INCENP: variants seen among roughly 807,000 people sequenced by gnomAD.
The protein encoded by INCENP is inner centromere protein, also known as binds and activates aurora-B and -C in vivo and in vitro.
INCENP carries 43 observed loss-of-function variants against 107.3 expected under a neutral mutation model. The ratio of observed to expected loss-of-function variants is 0.40; its 90% CI spans 0.31 to 0.52. The LOEUF is 0.52. Among genes scored for constraint, INCENP ranks in the 20% least tolerant of loss-of-function variants. The probability of loss-of-function intolerance (pLI) is 0.53; values close to 1 mark genes in which losing one functional copy is unlikely to be tolerated. For missense variants in INCENP, 1,089 were observed against 1,250.9 expected (o/e 0.87, Z 1.95); for synonymous variants, 488 against 494.4 (o/e 0.99, Z 0.17).
At chr11:62,144,752 G>A (rs780292368) in intron 11 of INCENP, 4 of 755,658 alleles carry the variant, frequency 5.3e-6, no homozygotes, top group Non-Finnish European at 9.7e-6. Context: ...GGAGGGCACT[G>A]TGGCTCAGGC....
chr11:62,126,199 G>GTTTTT (rs1565088237), intron 1 of INCENP, among the ~76,000 whole-genome samples: 2 of 31,922 alleles, frequency 6.3e-5, no homozygotes, highest in African/African-American at 1.5e-4. Context: ...AGTTGTGCAT[G>GTTTTT]GTTTTTTTTT....
chr11:62,148,668 CGGAGGGAAGGGGAGG>C, intron 16 of INCENP, 56 bp from the exon 17 acceptor site: 10 of 1,322,686 alleles, frequency 7.6e-6, no homozygotes, highest in Non-Finnish European at 9.3e-6. Context: ...GAGAATGGAG[CGGAGGGAAGGGGAGG>C]GGAGGGAAGG....
At chr11:62,124,724 C>T (rs1351817374) in intron 1 of INCENP, among the ~76,000 whole-genome samples, 5 of 152,152 alleles carry the variant, frequency 3.3e-5, no homozygotes, top group Non-Finnish European at 7.3e-5. Flanking sequence ...ATCTAGAAGG[C>T]GGTATAGCCA....
chr11:62,126,089 A>G (rs1943741951), intron 1 of INCENP, among the ~76,000 whole-genome samples: 2 of 152,214 alleles, frequency 1.3e-5, no homozygotes, highest in South Asian at 4.1e-4. Flanking sequence ...AGGAAGTCCC[A>G]TGAGACTGAA....
At position 62,135,614 on chromosome 11, in the gene INCENP, C is replaced by T. The variant is rs73499233; in HGVS notation, c.1064-2218C>T. 1.5e-3 allele frequency among the ~76,000 whole-genome samples: 229 copies of T among 152,142 alleles called. 2 individuals carry two copies. The highest frequency in any genetic ancestry group is 5.1e-3 in the African/African-American group (210 of 41,506). ...TGTCTGATTTCATAACCACATACAT[C>T]GATCATTTCGAAAATATTGTTTCAC... is the stretch of plus-strand genomic sequence containing the variant. On this transcript the variant is annotated intron_variant, in intron 4 of 18. Coordinates refer to ENST00000394818, the MANE Select transcript of INCENP (RefSeq NM_001040694.2).
At chr11:62,148,910 T>A in intron 17 of INCENP, 64 bp downstream of exon 17, 1 of 1,020,878 alleles carries the variant, frequency 9.8e-7, no homozygotes, top group Non-Finnish European at 1.4e-6. Context: ...CTCTTCCCAG[T>A]AGCTAGAGGC....
Position 62,145,613 on chromosome 11 carries a change from TG to T in INCENP, c.1837-13del. The T allele has an allele frequency of 1.3e-6, 2 of 1,590,600 alleles. No homozygotes were observed. Among genetic ancestry groups the T allele is most frequent in the Non-Finnish European group, 8.6e-7 (1 of 1,168,970 alleles). ...ATGTGGGTGCTCCAATGGGCATGTG[TG>T]GGTGGGCTCTGCAGGCCAAGGAGGA... On this transcript the variant is annotated splice_polypyrimidine_tract_variant and intron_variant, in intron 13 of 18. Coordinates refer to ENST00000394818, the MANE Select transcript of INCENP (RefSeq NM_001040694.2).
intron 7 of INCENP, 91 bp from the exon 8 acceptor site, chr11:62,140,143 G>A: frequency 9.1e-7 from 1 of 1,101,154 alleles, no homozygotes; most frequent in South Asian, 1.3e-5. Flanking sequence ...TGCCAAGGCT[G>A]CTGCCCAAGG....
At chr11:62,129,120 G>T (rs1177576725) in intron 3 of INCENP, among the ~76,000 whole-genome samples, 4 of 152,188 alleles carry the variant, frequency 2.6e-5, no homozygotes, top group African/African-American at 9.7e-5. Context: ...GGGTGGGTGT[G>T]TTTGATCTGG....
chr11:62,152,049 T>A lies in INCENP; in HGVS notation c.*73T>A. The A allele has an allele frequency of 8.4e-7, 1 of 1,187,880 alleles. No homozygotes were observed. Among genetic ancestry groups the A allele is most frequent in the Non-Finnish European group, 1.2e-6 (1 of 833,884 alleles). The allele number at this position is 1,187,880 out of a possible 1,614,324, so 73.6% of individuals were successfully genotyped here. On this transcript the variant is annotated 3_prime_UTR_variant, in exon 19 of 19. Transcript: ENST00000394818. ...TCTGTCTGTCTGTCGGTCTCTGTCT[T>A]GGTCTGTTGCCCTCCTTCTTGGCAT...
chr11:62,142,352 T>C (rs1709308909), intron 11 of INCENP, among the ~76,000 whole-genome samples: 1 of 152,196 alleles, frequency 6.6e-6, no homozygotes, highest in Non-Finnish European at 1.5e-5. Context: ...CCTGTTCCCC[T>C]CTTGTTGGAG....
intron 7 of INCENP, 41 bp from the exon 8 acceptor site, chr11:62,140,193 C>T (rs753758134): frequency 6.2e-7 from 1 of 1,600,778 alleles, no homozygotes; most frequent in Non-Finnish European, 8.6e-7. Flanking sequence ...CCTGCCGCCG[C>T]CATCGTTTCT....
chr11:62,149,574 A>G (rs1298058405), intron 17 of INCENP, among the ~76,000 whole-genome samples: 2 of 152,120 alleles, frequency 1.3e-5, no homozygotes, highest in Non-Finnish European at 2.9e-5. Flanking sequence ...TTTGCAATAC[A>G]CCTTAGCATC....
At chr11:62,147,942 TC>T (rs1172892938) in intron 15 of INCENP, among the ~76,000 whole-genome samples, 1 of 152,050 alleles carries the variant, frequency 6.6e-6, no homozygotes, top group Non-Finnish European at 1.5e-5. Flanking sequence ...CCTTGTTTAG[TC>T]CTCAGTTGAA....
At chr11:62,129,012 C>T (rs933119569) in intron 3 of INCENP, 129 bp downstream of exon 3, 17 of 666,796 alleles carry the variant, frequency 2.5e-5, no homozygotes, top group South Asian at 1.0e-4. Flanking sequence ...GGTACCACCG[C>T]GGGTACTGCG....
chr11:62,151,382 C>T (rs1944369188), intron 18 of INCENP, among the ~76,000 whole-genome samples: 1 of 152,198 alleles, frequency 6.6e-6, no homozygotes, highest in African/African-American at 2.4e-5. Context: ...AGGATGGCAT[C>T]CTATGCTTAA....
chr11:62,133,533 A>C (rs1943933404), intron 4 of INCENP, among the ~76,000 whole-genome samples: 1 of 152,186 alleles, frequency 6.6e-6, no homozygotes, highest in African/African-American at 2.4e-5. Flanking sequence ...CCACCTCTGC[A>C]TTGGAGAACA....
chr11:62,145,000 C>G lies in INCENP; in HGVS notation c.1624C>G (p.Leu542Val), dbSNP rs757716021. ...CSFVEKERQR[L>V]ENLRRKEEAE... ...ACCCCAGGAGAAGGAGCGGCAGCGC[C>G]TGGAGAATCTGCGGCGGAAGGAGGA... The change falls in exon 12 of 19, where the codon CTG becomes GTG. Residue 542 changes from leucine (L) to valine (V), a missense_variant. Transcript: ENST00000394818. 1 of 1,604,052 alleles carries G rather than the reference C, an allele frequency of 6.2e-7. No homozygotes were observed. Among genetic ancestry groups the G allele is most frequent in the Non-Finnish European group, 8.5e-7 (1 of 1,176,882 alleles).
chr11:62,150,660 C>T (rs1944354252), intron 18 of INCENP, among the ~76,000 whole-genome samples: 1 of 152,144 alleles, frequency 6.6e-6, no homozygotes, highest in South Asian at 2.1e-4. Context: ...CAGGAAAGTC[C>T]TTGAGGAGTG....
Sources: allele counts gnomAD v4.1 joint callset (sites outside exome capture counted in the v4.1 genomes callset), GRCh38; gene constraint gnomAD v4.1.1; transcripts MANE v1.5; gene names NCBI Gene and HGNC (gene_info 2026-07-23, HGNC 2026-07-21).